ZNF496: variants seen among roughly 807,000 people sequenced by gnomAD.
ZNF496 encodes zinc finger protein 496, also known as NSD1 (nuclear receptor binding SET-domain containing 1)-interacting zinc finger protein 1.
A neutral mutation model predicts 58.9 loss-of-function variants in ZNF496; 11 were observed. That is an observed-to-expected ratio of 0.19 (90% CI 0.12 to 0.31). ZNF496 has a LOEUF of 0.31. Among genes scored for constraint, ZNF496 ranks in the 10% least tolerant of loss-of-function variants. ZNF496 has a pLI of 1.00. For missense variants in ZNF496, 660 were observed against 783.0 expected (o/e 0.84, Z 1.88); for synonymous variants, 338 against 318.2 (o/e 1.06, Z -0.66).
intron 6 of ZNF496, among the ~76,000 whole-genome samples, chr1:247,317,102 T>A (rs933506383): frequency 1.3e-5 from 2 of 152,118 alleles, no homozygotes; most frequent in Admixed American, 6.5e-5. Context: ...CAGAGGAGAT[T>A]TTTCTAATGC....
At chr1:247,314,475 A>G (rs968876930) in intron 6 of ZNF496, among the ~76,000 whole-genome samples, 5 of 141,666 alleles carry the variant, frequency 3.5e-5, no homozygotes, top group Admixed American at 6.8e-5. Context: ...ATGATGGTAT[A>G]TCCATATAAT....
At chr1:247,321,421 A>G (rs1659960018) in intron 6 of ZNF496, among the ~76,000 whole-genome samples, 1 of 152,206 alleles carries the variant, frequency 6.6e-6, no homozygotes. Flanking sequence ...TGGGAAGATG[A>G]AAAAGTTCTA....
intron 6 of ZNF496, among the ~76,000 whole-genome samples, chr1:247,318,064 G>A (rs532753472): frequency 7.8e-4 from 119 of 152,346 alleles, no homozygotes; most frequent in Non-Finnish European, 1.5e-3. Context: ...AACTGGAAAT[G>A]TGAACAGTAC....
intron 7 of ZNF496, 41 bp downstream of exon 7, chr1:247,310,283 A>G: frequency 1.2e-6 from 2 of 1,613,092 alleles, no homozygotes; most frequent in Non-Finnish European, 1.7e-6. Context: ...TCCCCTGCCC[A>G]GTTCCCTGGT....
rs369102189 is a variant in ZNF496, at chr1:247,300,795, C to A, written c.1488G>T (p.Lys496Asn). The part of the protein sequence containing the change: ...LQPDRLQPVE[K>N]REQAASEDAD... ...CGTCCTCGGATGCCGCCTGCTCTCT[C>A]TTCTCCACCGGCTGGAGTCTGTCCG... The change falls in exon 10 of 10, where the codon AAG becomes AAT. Residue 496 changes from lysine to asparagine, a missense_variant. Lys to Asn is a moderately conservative substitution (Grantham distance 94, BLOSUM62 0). Coordinates refer to ENST00000682384, the MANE Select transcript of ZNF496 (RefSeq NM_032752.3). This position sits in a 1 kb window ranked among gnomAD's most constrained non-coding sequence, Gnocchi z 5.7. 22 of 1,601,650 alleles carry A rather than the reference C, an allele frequency of 1.4e-5. No homozygotes were observed. In the African/African-American group the frequency reaches 2.4e-4, roughly 18 times the overall value.
chr1:247,316,207 G>A (rs1659767673), intron 6 of ZNF496, among the ~76,000 whole-genome samples: 4 of 24,538 alleles, frequency 1.6e-4, no homozygotes, highest in Admixed American at 1.3e-3. Context: ...GTGTGTGCGC[G>A]CGCGTGCGCG....
Position 247,329,429 on chromosome 1 carries a change from G to A in ZNF496, c.150C>T (p.Tyr50=). ...SSRRLFRRFR[Y]QEAAGPREAL... Reference sequence around the variant, plus strand: ...CCTCCCGGGGGCCCGCCGCCTCCTGGTAGCGGAAACGGCGGAAGAGACGCC... The same window carrying A: ...CCTCCCGGGGGCCCGCCGCCTCCTGATAGCGGAAACGGCGGAAGAGACGCC... The change falls in exon 4 of 10, where the codon TAC becomes TAT. Residue 50 remains tyrosine, a synonymous_variant. Coordinates refer to ENST00000682384, the MANE Select transcript of ZNF496 (RefSeq NM_032752.3). This position sits in a 1 kb window ranked among gnomAD's most constrained non-coding sequence, Gnocchi z 5.5. 2 of 1,613,242 alleles carry A rather than the reference G, an allele frequency of 1.2e-6. No individual in the cohort carries two copies. The highest frequency in any genetic ancestry group is 1.7e-6 in the Non-Finnish European group (2 of 1,179,746).
Position 247,318,891 on chromosome 1 carries a change from C to T in ZNF496, c.651+4263G>A, listed in dbSNP as rs567122012. 5.9e-5 allele frequency among the ~76,000 whole-genome samples: 9 copies of T among 152,206 alleles called. No individual in the cohort carries two copies. In the East Asian group the frequency reaches 9.7e-4, roughly 16 times the overall value. On this transcript the variant is annotated intron_variant, in intron 6 of 9. Coordinates refer to ENST00000682384, the MANE Select transcript of ZNF496 (RefSeq NM_032752.3). The stretch of plus-strand genomic sequence containing the variant: ...GCACAAATTACAACACTCTATGATG[C>T]GGTTCTAAATGTATGTAGAGGAAAT...
At chr1:247,331,694 G>C (rs1157523713) in intron 1 of ZNF496, 47 bp from the exon 2 acceptor site, 2 of 151,704 alleles carry the variant, frequency 1.3e-5, no homozygotes, top group Non-Finnish European at 1.5e-5. Context: ...ACCTTCCTGA[G>C]CGCTGGGCTC....
In ZNF496 at chr1:247,309,788, G is replaced by A; in HGVS notation, c.803C>T (p.Pro268Leu). The A allele has an allele frequency of 1.9e-6, 3 of 1,614,152 alleles. No homozygotes were observed. The highest frequency in any genetic ancestry group is 2.5e-6 in the Non-Finnish European group (3 of 1,180,038). ...SMPPNDLAAQ[P>L]DLSQGEENEP... The stretch of plus-strand genomic sequence containing the variant: ...ATTCTCCTCTCCCTGGGAGAGATCT[G>A]GCTGGGCAGCTAGGTCGTCTGTTCA... The change falls in exon 8 of 10, where the codon CCA becomes CTA. Residue 268 changes from proline (P) to leucine (L), a missense_variant. Pro to Leu is a moderately conservative substitution (Grantham distance 98, BLOSUM62 -3). Transcript: ENST00000682384. This position sits in a 1 kb window ranked among gnomAD's most constrained non-coding sequence, Gnocchi z 4.3.
chr1:247,320,941 G>A lies in ZNF496; in HGVS notation c.651+2213C>T, dbSNP rs1659942408. Among the ~76,000 whole-genome samples the A allele has an allele frequency of 2.0e-5, 3 of 152,150 alleles. 1 individual carries two copies. Among genetic ancestry groups the A allele is most frequent in the South Asian group, 4.1e-4 (2 of 4,828 alleles). ...TGTAATCCCAGCACTTTGGGAGGCC[G>A]AGGCAGGTGGATCACGAGGTCAAGA... is the stretch of plus-strand genomic sequence containing the variant. On this transcript the variant is annotated intron_variant, in intron 6 of 9. Transcript: ENST00000682384.
intron 5 of ZNF496, among the ~76,000 whole-genome samples, chr1:247,324,509 C>T (rs890586782): frequency 6.7e-6 from 1 of 149,172 alleles, no homozygotes; most frequent in African/African-American, 2.5e-5. Flanking sequence ...TGAGGTAATG[C>T]ATTATATTAA....
chr1:247,329,597 TCAG>T lies in ZNF496; in HGVS notation c.-22_-20del. On this transcript the variant is annotated 5_prime_UTR_variant, in exon 4 of 10. Coordinates refer to ENST00000682384, the MANE Select transcript of ZNF496 (RefSeq NM_032752.3). This position sits in a 1 kb window ranked among gnomAD's most constrained non-coding sequence, Gnocchi z 5.5. ...TGGGCATGATGGGATTTGATGGGGG[TCAG>T]CAGCAGAAGACGACCCTATTTCCAA... The T allele has an allele frequency of 1.3e-6, 2 of 1,529,574 alleles. No individual in the cohort carries two copies. Among genetic ancestry groups the T allele is most frequent in the Non-Finnish European group, 1.7e-6 (2 of 1,143,410 alleles). 94.8% of individuals were successfully genotyped at this position (1,529,574 alleles called of 1,614,324 possible).
At chr1:247,313,145 T>G (rs1659660176) in intron 6 of ZNF496, 1 of 152,176 alleles carries the variant, frequency 6.6e-6, no homozygotes, top group African/African-American at 2.4e-5. Context: ...CACTAATCCA[T>G]TTATGATGGA....
chr1:247,306,657 G>A (rs955297365), intron 9 of ZNF496, among the ~76,000 whole-genome samples: 1 of 151,412 alleles, frequency 6.6e-6, no homozygotes, highest in African/African-American at 2.4e-5. Context: ...GTCTGCCACT[G>A]TGCCTGGCTA....
chr1:247,303,403 A>G (rs1659307621), intron 9 of ZNF496, among the ~76,000 whole-genome samples: 1 of 152,244 alleles, frequency 6.6e-6, no homozygotes, highest in Non-Finnish European at 1.5e-5. Context: ...CTTTGGCACC[A>G]GGAAGTAGGG....
chr1:247,328,597 C>G, intron 5 of ZNF496, 86 bp downstream of exon 5: 1 of 1,370,486 alleles, frequency 7.3e-7, no homozygotes, highest in African/African-American at 1.5e-5. Context: ...TAAAAGCCAT[C>G]AGCTTAACAA....
At chr1:247,330,621 TTA>T (rs1285255905) in intron 2 of ZNF496, among the ~76,000 whole-genome samples, 1 of 152,162 alleles carries the variant, frequency 6.6e-6, no homozygotes, top group Non-Finnish European at 1.5e-5. Flanking sequence ...TACCTGGTGT[TTA>T]TGATTCCCAC....
rs755510465 is a variant in ZNF496, at chr1:247,309,821, AG to A, written c.785-16del. The A allele has an allele frequency of 5.6e-6, 9 of 1,613,708 alleles. No individual in the cohort carries two copies. The highest frequency in any genetic ancestry group is 1.7e-4 in the Middle Eastern group (1 of 6,060). On this transcript the variant is annotated splice_polypyrimidine_tract_variant and intron_variant, in intron 7 of 9. Coordinates refer to ENST00000682384, the MANE Select transcript of ZNF496 (RefSeq NM_032752.3). This position sits in a 1 kb window ranked among gnomAD's most constrained non-coding sequence, Gnocchi z 4.3. ...AGCTAGGTCGTCTGTTCAAAGAAAAAGGCAGGGTACATGTTTATTAGTAATC... is the reference window on the plus strand; with the variant it reads ...AGCTAGGTCGTCTGTTCAAAGAAAAAGCAGGGTACATGTTTATTAGTAATC...
Sources: gnomAD v4.1 joint callset for allele counts (sites outside exome capture counted in the v4.1 genomes callset) on GRCh38, gnomAD v4.1.1 for gene constraint, Gnocchi (gnomAD v3.1) non-coding constraint, MANE v1.5 for transcripts, NCBI Gene and HGNC (gene_info 2026-07-23, HGNC 2026-07-21) for gene names.